Variants in PHACTR3 observed in about 807,000 individuals in gnomAD.
PHACTR3 encodes the protein protein phosphatase 1, regulatory subunit 123.
In PHACTR3, 16 loss-of-function variants were observed where a neutral mutation model predicts 66.8. The ratio of observed to expected loss-of-function variants is 0.24; its 90% CI spans 0.16 to 0.36. PHACTR3 has a LOEUF of 0.36. PHACTR3 is among the 10% of genes least tolerant of loss of function. PHACTR3 has a pLI of 1.00. For synonymous variants in PHACTR3, 323 were observed against 292.1 expected (o/e 1.11, Z -1.08); for missense variants, 647 against 719.9 (o/e 0.90, Z 1.16).
intron 8 of PHACTR3, among the ~76,000 whole-genome samples, chr20:59,810,856 T>C (rs956786331): frequency 6.6e-6 from 1 of 152,174 alleles, no homozygotes; most frequent in Non-Finnish European, 1.5e-5. Flanking sequence ...CAGCAGAGTA[T>C]GAGAGGCCCG....
intron 1 of PHACTR3, among the ~76,000 whole-genome samples, chr20:59,578,231 A>G (rs1454134460): frequency 6.6e-6 from 1 of 152,204 alleles, no homozygotes; most frequent in Non-Finnish European, 1.5e-5. Flanking sequence ...CAGCTGGGCC[A>G]GGGAAGAGGA....
intron 1 of PHACTR3, among the ~76,000 whole-genome samples, chr20:59,722,554 G>A (rs1383130765): frequency 2.6e-5 from 4 of 152,144 alleles, no homozygotes; most frequent in Admixed American, 2.6e-4. Context: ...ATGGAGGGGT[G>A]GGAGGATGCC....
chr20:59,638,527 TG>T (rs2034975925), intron 1 of PHACTR3, among the ~76,000 whole-genome samples: 4 of 131,336 alleles, frequency 3.0e-5, no homozygotes, highest in East Asian at 4.7e-4. Flanking sequence ...GATGGATTGA[TG>T]GATGATTGCT....
At chr20:59,723,087 TTTCTTTCTTTCTTTCTTTC>T (rs1324620791) in intron 1 of PHACTR3, among the ~76,000 whole-genome samples, 2 of 150,006 alleles carry the variant, frequency 1.3e-5, no homozygotes, top group African/African-American at 4.9e-5. Flanking sequence ...TCTTTCTTTC[TTTCTTTCTTTCTTTCTTTC>T]TTTCTTTCTT....
At chr20:59,582,966 C>A (rs2032906057) in intron 1 of PHACTR3, among the ~76,000 whole-genome samples, 3 of 152,030 alleles carry the variant, frequency 2.0e-5, no homozygotes, top group Admixed American at 2.0e-4. Flanking sequence ...TCTTAAGAAA[C>A]CCTCTTCTGC....
At chr20:59,639,481 C>G (rs939305798) in intron 1 of PHACTR3, among the ~76,000 whole-genome samples, 1 of 152,166 alleles carries the variant, frequency 6.6e-6, no homozygotes, top group Non-Finnish European at 1.5e-5. Context: ...TGACCTCCAG[C>G]CAACTTGACT....
chr20:59,722,118 G>C lies in PHACTR3; in HGVS notation c.119-20989G>C, dbSNP rs1372808175. ...GTGGTGGCGGGCACCTGTGGTCCCA[G>C]CTACTCGGGAGGCTGAGGCAGGAGA... On this transcript the variant is annotated intron_variant, in intron 1 of 12. Transcript: ENST00000371015. Among the ~76,000 whole-genome samples the C allele has an allele frequency of 5.3e-5, 8 of 152,306 alleles. No individual in the cohort carries two copies. The East Asian group carries it at 1.5e-3, about 29-fold the overall frequency.
At chr20:59,662,346 A>G (rs2035836227) in intron 1 of PHACTR3, among the ~76,000 whole-genome samples, 1 of 152,138 alleles carries the variant, frequency 6.6e-6, no homozygotes, top group Non-Finnish European at 1.5e-5. Context: ...TCTATGAGGA[A>G]GCAGCCTTTA....
intron 1 of PHACTR3, among the ~76,000 whole-genome samples, chr20:59,608,297 C>T (rs1173743420): frequency 6.6e-6 from 1 of 152,190 alleles, no homozygotes; most frequent in Non-Finnish European, 1.5e-5. Context: ...GCCTGACCTT[C>T]CCGCCACTTT....
intron 7 of PHACTR3, among the ~76,000 whole-genome samples, chr20:59,790,933 G>T (rs531994997): frequency 1.3e-5 from 2 of 152,266 alleles, no homozygotes; most frequent in African/African-American, 4.8e-5. Flanking sequence ...TTTGAGCTTT[G>T]CTGGGAGGCA....
intron 1 of PHACTR3, among the ~76,000 whole-genome samples, chr20:59,608,043 C>T (rs980564799): frequency 5.9e-5 from 9 of 152,278 alleles, no homozygotes; most frequent in East Asian, 1.9e-4. Context: ...AGAAAATGTA[C>T]GAATTCACAC....
At chr20:59,591,646 G>T (rs1484910091) in intron 1 of PHACTR3, among the ~76,000 whole-genome samples, 2 of 151,872 alleles carry the variant, frequency 1.3e-5, no homozygotes, top group African/African-American at 2.4e-5. Flanking sequence ...TCTCATGGCT[G>T]GTCTCACCCG....
chr20:59,693,118 G>A (rs1410305224), intron 1 of PHACTR3, among the ~76,000 whole-genome samples: 2 of 152,132 alleles, frequency 1.3e-5, no homozygotes, highest in Non-Finnish European at 2.9e-5. Context: ...TGTTGCAGTT[G>A]CCTCCACTCT....
At chr20:59,754,520 A>G (rs1445055479) in intron 3 of PHACTR3, among the ~76,000 whole-genome samples, 1 of 152,228 alleles carries the variant, frequency 6.6e-6, no homozygotes, top group African/African-American at 2.4e-5. Context: ...GGTTTATTAC[A>G]GTGCCAGACA....
At chr20:59,587,634 C>G (rs2033071271) in intron 1 of PHACTR3, among the ~76,000 whole-genome samples, 1 of 152,252 alleles carries the variant, frequency 6.6e-6, no homozygotes, top group Admixed American at 6.5e-5. Context: ...TTGCCAGATG[C>G]TCTGGGAGAG....
At chr20:59,625,147 C>T in intron 1 of PHACTR3, among the ~76,000 whole-genome samples, 1 of 151,932 alleles carries the variant, frequency 6.6e-6, no homozygotes, top group East Asian at 1.9e-4. Context: ...GCTTGCGGGG[C>T]ATCTTGAGTC....
chr20:59,789,048 A>C (rs2041012248), intron 7 of PHACTR3, among the ~76,000 whole-genome samples: 1 of 152,226 alleles, frequency 6.6e-6, no homozygotes, highest in South Asian at 2.1e-4. Flanking sequence ...ACTAAAATCA[A>C]ACGAGAGACT....
chr20:59,826,198 G>C (rs960248320), intron 8 of PHACTR3, among the ~76,000 whole-genome samples: 1 of 152,068 alleles, frequency 6.6e-6, no homozygotes, highest in African/African-American at 2.4e-5. Context: ...TCAGTGGGGT[G>C]GGGGAGGGGA....
At chr20:59,819,271 T>A (rs2041966564) in intron 8 of PHACTR3, among the ~76,000 whole-genome samples, 1 of 150,996 alleles carries the variant, frequency 6.6e-6, no homozygotes, top group African/African-American at 2.4e-5. Context: ...GGTGCCTGAG[T>A]CACCAACTGC....
Sources: allele counts gnomAD v4.1 joint callset (sites outside exome capture counted in the v4.1 genomes callset), GRCh38; gene constraint gnomAD v4.1.1; transcripts MANE v1.5; gene names NCBI Gene and HGNC (gene_info 2026-07-23, HGNC 2026-07-21).